Variants in LRRC7 observed in about 807,000 individuals in gnomAD.
LRRC7 encodes the protein leucine-rich repeat-containing protein 7.
A neutral mutation model predicts 175.7 loss-of-function variants in LRRC7; 23 were observed. The ratio of observed to expected loss-of-function variants is 0.13; its 90% CI spans 0.09 to 0.19. The LOEUF (loss-of-function observed/expected upper bound fraction) is 0.19. LRRC7 is among the 10% of genes least tolerant of loss of function. The pLI is 1.00. For missense variants in LRRC7, 1,354 were observed against 1,904.7 expected (o/e 0.71, Z 5.38); for synonymous variants, 685 against 680.9 (o/e 1.01, Z -0.09).
intron 5 of LRRC7, among the ~76,000 whole-genome samples, chr1:69,827,873 T>C (rs889482981): frequency 1.3e-5 from 2 of 152,056 alleles, no homozygotes; most frequent in Non-Finnish European, 2.9e-5. Flanking sequence ...AGGTGTATGG[T>C]TCAATGAATT....
intron 24 of LRRC7, among the ~76,000 whole-genome samples, chr1:70,081,166 G>A (rs1321612946): frequency 1.3e-5 from 2 of 152,216 alleles, no homozygotes; most frequent in African/African-American, 2.4e-5. Context: ...CCAAGGTTGA[G>A]GAGCACTGCT....
intron 4 of LRRC7, among the ~76,000 whole-genome samples, chr1:69,817,507 A>G (rs917596577): frequency 7.2e-5 from 11 of 152,032 alleles, no homozygotes; most frequent in African/African-American, 1.2e-4. Context: ...GTTTGTGCCA[A>G]TATCAGCCCG....
chr1:69,842,533 A>G (rs1255240023), intron 7 of LRRC7, among the ~76,000 whole-genome samples: 1 of 152,192 alleles, frequency 6.6e-6, no homozygotes, highest in Non-Finnish European at 1.5e-5. Flanking sequence ...TTGCTGTCAT[A>G]TACACTGACT....
chr1:69,930,330 G>A (rs1459632935), intron 7 of LRRC7, among the ~76,000 whole-genome samples: 1 of 152,052 alleles, frequency 6.6e-6, no homozygotes, highest in African/African-American at 2.4e-5. Flanking sequence ...CATCCGGATT[G>A]CAGTAATATT....
intron 1 of LRRC7, among the ~76,000 whole-genome samples, chr1:69,592,829 T>C (rs1368326634): frequency 1.3e-5 from 2 of 152,028 alleles, no homozygotes; most frequent in African/African-American, 2.4e-5. Context: ...AAGGAACGTG[T>C]GGATGAGTGG....
In LRRC7 at chr1:70,135,397, G is replaced by A. The variant is rs1343885798; in HGVS notation, c.*13510G>A. Among the ~76,000 whole-genome samples, 1 of 152,188 alleles carries A rather than the reference G, an allele frequency of 6.6e-6. No homozygotes were observed. The highest frequency in any genetic ancestry group is 2.4e-5 in the African/African-American group (1 of 41,456). ...TTTAGTTCTGTCATGAGGTAAAGAT[G>A]TAAAGATGTAAAAAGCTCTGCTTTT... On this transcript the variant is annotated 3_prime_UTR_variant, in exon 27 of 27. Transcript: ENST00000651989.
intron 7 of LRRC7, among the ~76,000 whole-genome samples, chr1:69,844,511 A>G (rs912471048): frequency 1.3e-5 from 2 of 152,188 alleles, no homozygotes; most frequent in African/African-American, 4.8e-5. Context: ...ATATGGCAGG[A>G]TTTCCTTCTT....
rs1685467511 is a variant in LRRC7, at chr1:69,870,911, G to C, written c.647+32628G>C. ...ATAAGGTATGTCTTAGAGCAAGCAT[G>C]ACGTAGCTTGAACACAATTGCATGT... is the stretch of plus-strand genomic sequence containing the variant. On this transcript the variant is annotated intron_variant, in intron 7 of 26. Transcript: ENST00000651989. Among the ~76,000 whole-genome samples the C allele has an allele frequency of 2.6e-5, 4 of 152,208 alleles. No individual in the cohort carries two copies. The South Asian group carries it at 8.3e-4, about 32-fold the overall frequency.
At position 70,124,133 on chromosome 1, in the gene LRRC7, A is replaced by G. The variant is rs1288004658; in HGVS notation, c.*2246A>G. On this transcript the variant is annotated 3_prime_UTR_variant, in exon 27 of 27. Coordinates refer to ENST00000651989, the MANE Select transcript of LRRC7 (RefSeq NM_001370785.2). The stretch of plus-strand genomic sequence containing the variant: ...AGTTCAGAAATGAGGAAAAGAGAAA[A>G]GGGATCCTTGACCAACTGGAAAAGT... Among the ~76,000 whole-genome samples the G allele has an allele frequency of 6.6e-6, 1 of 152,216 alleles. No homozygotes were observed. The highest frequency in any genetic ancestry group is 2.4e-5 in the African/African-American group (1 of 41,456).
At chr1:69,974,013 A>G (rs1652552654) in intron 8 of LRRC7, among the ~76,000 whole-genome samples, 1 of 152,174 alleles carries the variant, frequency 6.6e-6, no homozygotes, top group Non-Finnish European at 1.5e-5. Context: ...TACTTCTTTG[A>G]ATTTGGCATA....
chr1:70,017,168 G>A (rs961243921), intron 14 of LRRC7, among the ~76,000 whole-genome samples: 25 of 151,530 alleles, frequency 1.6e-4, no homozygotes, highest in Admixed American at 6.6e-4. Context: ...CCAGCTACTC[G>A]GGAGGCTGAG....
At chr1:69,787,338 G>A (rs1188132040) in intron 3 of LRRC7, among the ~76,000 whole-genome samples, 1 of 152,192 alleles carries the variant, frequency 6.6e-6, no homozygotes, top group African/African-American at 2.4e-5. Flanking sequence ...TGGGGTCTGG[G>A]GGATGGTGGC....
intron 3 of LRRC7, among the ~76,000 whole-genome samples, chr1:69,777,358 G>A (rs1672927935): frequency 6.6e-6 from 1 of 152,180 alleles, no homozygotes; most frequent in Admixed American, 6.5e-5. Flanking sequence ...CATTCGACCA[G>A]GCAATAAAGT....
At chr1:69,609,033 A>C (rs775609352) in intron 1 of LRRC7, among the ~76,000 whole-genome samples, 35 of 151,514 alleles carry the variant, frequency 2.3e-4, no homozygotes, top group South Asian at 6.3e-4. Flanking sequence ...CATGGAAAAA[A>C]AATGTCCAGA....
chr1:69,633,550 TC>T (rs776770607), intron 1 of LRRC7, among the ~76,000 whole-genome samples: 17 of 152,138 alleles, frequency 1.1e-4, no homozygotes, highest in Non-Finnish European at 1.6e-4. Context: ...TGCCTCAGCC[TC>T]CCAAGTAGGT....
intron 24 of LRRC7, among the ~76,000 whole-genome samples, chr1:70,084,259 C>A (rs901549773): frequency 1.6e-4 from 24 of 152,080 alleles, no homozygotes; most frequent in African/African-American, 5.8e-4. Flanking sequence ...TCACTATAAT[C>A]TAACTTTATG....
intron 1 of LRRC7, among the ~76,000 whole-genome samples, chr1:69,612,180 A>G (rs1207084996): frequency 6.6e-6 from 1 of 152,096 alleles, no homozygotes; most frequent in Admixed American, 6.6e-5. Context: ...AACTGAAATT[A>G]AAATAATATA....
chr1:69,687,445 GGTTGCA>G (rs1304871314), intron 2 of LRRC7, among the ~76,000 whole-genome samples: 2 of 146,382 alleles, frequency 1.4e-5, no homozygotes, highest in Non-Finnish European at 3.0e-5. Flanking sequence ...GGGAGGCGGA[GGTTGCA>G]GTGAGCCGAG....
intron 7 of LRRC7, among the ~76,000 whole-genome samples, chr1:69,928,861 A>G (rs927176187): frequency 6.6e-6 from 1 of 152,190 alleles, no homozygotes; most frequent in Non-Finnish European, 1.5e-5. Context: ...TGACCTTGGT[A>G]CCTCAGATGG....
Sources: gnomAD v4.1 joint callset for allele counts (sites outside exome capture counted in the v4.1 genomes callset) on GRCh38, gnomAD v4.1.1 for gene constraint, MANE v1.5 for transcripts, NCBI Gene and HGNC (gene_info 2026-07-23, HGNC 2026-07-21) for gene names.